NIPAL3: variants seen among roughly 807,000 people sequenced by gnomAD.
The protein encoded by NIPAL3 is NIPA-like protein 3.
In NIPAL3, 41 loss-of-function variants were observed where a neutral mutation model predicts 47.2. The ratio of observed to expected loss-of-function variants is 0.87; its 90% CI spans 0.68 to 1.13. NIPAL3 has a LOEUF of 1.13. Among genes scored for constraint, NIPAL3 ranks in the 50% most tolerant of loss-of-function variants. The probability of loss-of-function intolerance (pLI) is 0.00; values close to 1 mark genes in which losing one functional copy is unlikely to be tolerated. For missense variants in NIPAL3, 449 were observed against 530.1 expected (o/e 0.85, Z 1.50); for synonymous variants, 194 against 209.6 (o/e 0.93, Z 0.64).
intron 11 of NIPAL3, chr1:24,466,105 G>A (rs1395714816): frequency 6.2e-6 from 10 of 1,607,246 alleles, no homozygotes; most frequent in Non-Finnish European, 8.5e-6. Context: ...TCAAGCACCT[G>A]AAAGACTTCT....
chr1:24,440,100 A>T, intron 2 of NIPAL3, 72 bp from the exon 3 acceptor site: 5 of 1,021,338 alleles, frequency 4.9e-6, no homozygotes, highest in Non-Finnish European at 7.0e-6. Flanking sequence ...CAAATGGTTG[A>T]GTGTCAGAAG....
At chr1:24,424,953 T>C (rs1309258371) in intron 2 of NIPAL3, among the ~76,000 whole-genome samples, 1 of 152,128 alleles carries the variant, frequency 6.6e-6, no homozygotes, top group Non-Finnish European at 1.5e-5. Context: ...TGGGATGAAG[T>C]TAGGAGCAAG....
rs1646823627 is a variant in NIPAL3 at position 24,469,182 on chromosome 1, A to C, written c.1218A>C (p.Glu406Asp). The change falls in exon 12 of 12, where the codon GAA becomes GAC. Residue 406 changes from glutamate to aspartate, a missense_variant. By Grantham distance (45) the Glu-to-Asp change is conservative. Transcript: ENST00000374399. ...GAGTCCTAGAGCACACCAAGAAGGA[A>C]TGAGACTCGCCTCCCTCTATTTATA... ...PYRVLEHTKKE is the reference protein window; with the variant it reads ...PYRVLEHTKKD 6.2e-7 allele frequency: 1 copy of C among 1,613,020 alleles called. No homozygotes were observed. The highest frequency in any genetic ancestry group is 1.3e-5 in the African/African-American group (1 of 74,908).
intron 2 of NIPAL3, among the ~76,000 whole-genome samples, chr1:24,427,958 C>T (rs1644672533): frequency 6.6e-6 from 1 of 152,150 alleles, no homozygotes; most frequent in Non-Finnish European, 1.5e-5. Context: ...GAAACCACAA[C>T]CCCTGCAGGC....
chr1:24,426,140 C>T (rs1448989199), intron 2 of NIPAL3, among the ~76,000 whole-genome samples: 8 of 152,122 alleles, frequency 5.3e-5, no homozygotes, highest in African/African-American at 9.7e-5. Context: ...CAATGGGTAG[C>T]GTAGTTGGGG....
At position 24,454,524 on chromosome 1, in the gene NIPAL3, C is replaced by T; in HGVS notation, c.637+1020C>T. On this transcript the variant is annotated intron_variant, in intron 7 of 11. Coordinates refer to ENST00000374399, the MANE Select transcript of NIPAL3 (RefSeq NM_020448.5). This position sits in a 1 kb window ranked among gnomAD's most constrained non-coding sequence, Gnocchi z 4.1. ...CCATCAACCAAATAGATACCTGTCA[C>T]CGAAGACAGGGTTTCCTTAATTTTT... The T allele has an allele frequency of 1.0e-6, 1 of 989,488 alleles. No individual in the cohort carries two copies. Among genetic ancestry groups the T allele is most frequent in the South Asian group, 4.6e-5 (1 of 21,746 alleles). The allele number at this position is 989,488 out of a possible 1,614,324, so 61.3% of individuals were successfully genotyped here. A position where few individuals can be genotyped will look rare whatever the true frequency, so the allele number is the denominator to read the frequency against.
rs1313371528 is a variant in NIPAL3, at chr1:24,472,084, G to A, written c.*2899G>A. The A allele has an allele frequency of 4.7e-5, 7 of 149,714 alleles. No individual in the cohort carries two copies. The highest frequency in any genetic ancestry group is 4.2e-4 in the South Asian group (2 of 4,762). 9.3% of individuals were successfully genotyped at this position (149,714 alleles called of 1,614,324 possible). ...TTTCTTGAGATGAGTGAATAAAAGC[G>A]TATTGTAATTTCATGTCTGCTTCAG... On this transcript the variant is annotated 3_prime_UTR_variant, in exon 12 of 12. Transcript: ENST00000374399.
chr1:24,465,480 G>A (rs1646659636), intron 11 of NIPAL3: 1 of 152,154 alleles, frequency 6.6e-6, no homozygotes, highest in Admixed American at 6.6e-5. Flanking sequence ...GGTAACCTAA[G>A]GTAGTCTTAG....
chr1:24,438,507 C>T (rs1332830473), intron 2 of NIPAL3, among the ~76,000 whole-genome samples: 1 of 152,250 alleles, frequency 6.6e-6, no homozygotes, highest in Non-Finnish European at 1.5e-5. Flanking sequence ...TCAGGGAAGA[C>T]CTGCCCTCAG....
rs1222595218 is a variant in NIPAL3 at position 24,416,102 on chromosome 1, G to A, written c.-258+198G>A. 1.0e-5 allele frequency: 10 copies of A among 985,374 alleles called. No homozygotes were observed. Among genetic ancestry groups the A allele is most frequent in the Admixed American group, 6.1e-5 (1 of 16,264 alleles). The allele number at this position is 985,374 out of a possible 1,614,324, so 61.0% of individuals were successfully genotyped here. ...GAGGCCAAGAGGAGCGGGGGCATGG[G>A]CTACCTTACTAAAGGTGATGCCAGG... is the stretch of plus-strand genomic sequence containing the variant. On this transcript the variant is annotated intron_variant, in intron 1 of 11. Coordinates refer to ENST00000374399, the MANE Select transcript of NIPAL3 (RefSeq NM_020448.5). The surrounding 1 kb of genome is among the most constrained non-coding windows in gnomAD (Gnocchi z 4.8).
upstream of NIPAL3, chr1:24,415,688 G>T (rs139062186): frequency 9.0e-6 from 2 of 223,182 alleles, no homozygotes; most frequent in Non-Finnish European, 1.5e-5. Flanking sequence ...CCTACTCCCC[G>T]TCCTCGCAGC....
intron 4 of NIPAL3, among the ~76,000 whole-genome samples, chr1:24,442,728 A>T (rs1450613759): frequency 2.0e-5 from 3 of 152,148 alleles, no homozygotes; most frequent in African/African-American, 7.2e-5. Flanking sequence ...AAGTGGGAGG[A>T]TCGCTTGAGG....
At chr1:24,417,241 A>G (rs1644098345) in intron 1 of NIPAL3, among the ~76,000 whole-genome samples, 1 of 152,166 alleles carries the variant, frequency 6.6e-6, no homozygotes, top group African/African-American at 2.4e-5. Context: ...TATAGAAGTC[A>G]CTGTCAGGCT....
chr1:24,456,343 G>T (rs981914551), intron 8 of NIPAL3, 70 bp downstream of exon 8: 14 of 1,597,504 alleles, frequency 8.8e-6, no homozygotes, highest in Admixed American at 1.7e-5. Flanking sequence ...GCCTGATGAC[G>T]TATGCTGTGA....
rs779192354 is a variant in NIPAL3, at chr1:24,449,600, G to C, written c.514G>C (p.Val172Leu). 1 of 1,613,836 alleles carries C rather than the reference G, an allele frequency of 6.2e-7. No individual in the cohort carries two copies. Among genetic ancestry groups the C allele is most frequent in the South Asian group, 1.1e-5 (1 of 91,074 alleles). Reference protein sequence around the residue: ...MTGENVTRHLVSWPFLLYMLV... With the variant: ...MTGENVTRHLLSWPFLLYMLV... ...AGGCGAGAATGTCACCAGGCACCTC[G>C]TGAGCTGGCCTTTCCTTTTGTACAT... Residue 172 changes from valine to leucine, a missense_variant, in exon 6 of 12, where the codon GTG becomes CTG. Physicochemically the swap from Val to Leu is conservative, Grantham distance 32. Transcript: ENST00000374399. The surrounding 1 kb of genome is among the most constrained non-coding windows in gnomAD (Gnocchi z 4.5).
intron 2 of NIPAL3, among the ~76,000 whole-genome samples, chr1:24,439,026 C>T (rs1645254640): frequency 6.6e-6 from 1 of 151,678 alleles, no homozygotes; most frequent in Admixed American, 6.6e-5. Context: ...ACATAATAGA[C>T]ACGGGGGACT....
At chr1:24,418,621 G>T (rs1045597524) in intron 1 of NIPAL3, among the ~76,000 whole-genome samples, 4 of 152,134 alleles carry the variant, frequency 2.6e-5, no homozygotes, top group Non-Finnish European at 5.9e-5. Flanking sequence ...AAAAGGAAAA[G>T]TTCGGGAAGC....
chr1:24,442,821 T>C (rs946910447), intron 4 of NIPAL3, among the ~76,000 whole-genome samples: 2 of 151,928 alleles, frequency 1.3e-5, no homozygotes, highest in African/African-American at 4.8e-5. Flanking sequence ...AGAAAAACAA[T>C]TAGCTGGGCA....
At chr1:24,441,413 G>T (rs1030487462) in intron 3 of NIPAL3, among the ~76,000 whole-genome samples, 4 of 152,148 alleles carry the variant, frequency 2.6e-5, no homozygotes. Context: ...TGGCAGACTT[G>T]GCCCTCTAAG....
Sources: allele counts gnomAD v4.1 joint callset (sites outside exome capture counted in the v4.1 genomes callset), GRCh38; gene constraint gnomAD v4.1.1; non-coding constraint Gnocchi (gnomAD v3.1); transcripts MANE v1.5; gene names NCBI Gene and HGNC (gene_info 2026-07-23, HGNC 2026-07-21).